Variants in SLC2A5 observed in about 807,000 individuals in gnomAD.
SLC2A5 encodes solute carrier family 2 member 5, also known as solute carrier family 2, facilitated glucose transporter member 5.
Under a neutral mutation model 50.3 loss-of-function variants are expected in SLC2A5, and 56 were observed. That is an observed-to-expected ratio of 1.11 (90% confidence interval 0.90 to 1.39). The LOEUF (loss-of-function observed/expected upper bound fraction) is 1.39. SLC2A5 is among the 40% of genes most tolerant of loss of function. The pLI, the probability that SLC2A5 is intolerant of heterozygous loss-of-function variation, is 0.00. For missense variants in SLC2A5, 566 were observed against 650.1 expected, an observed-to-expected ratio of 0.87 and a Z score of 1.41; for synonymous variants, 269 against 281.9, an observed-to-expected ratio of 0.95 and a Z score of 0.46.
In SLC2A5 at chr1:9,044,830, C is replaced by T. The variant is rs561377701; in HGVS notation, c.418+2780G>A. On this transcript the variant is annotated intron_variant, in intron 4 of 11. Coordinates refer to ENST00000377424, the MANE Select transcript of SLC2A5 (RefSeq NM_003039.3). ...TCAGCTTCCTAAAGTGCTGGTATTA[C>T]AGGCATGAGCCACTGCACCCGGCCA... Among the ~76,000 whole-genome samples, 5 of 152,300 alleles carry T rather than the reference C, an allele frequency of 3.3e-5. 1 individual carries two copies. The highest frequency in any genetic ancestry group is 1.2e-4 in the African/African-American group (5 of 41,564).
rs938436192 is a variant in SLC2A5 at position 9,060,344 on chromosome 1, G to GC, written c.34-2095dup. 4.5e-5 allele frequency among the ~76,000 whole-genome samples: 4 copies of GC among 89,022 alleles called. No homozygotes were observed. The South Asian group carries it at 1.7e-3, about 37-fold the overall frequency. 58.4% of individuals were successfully genotyped at this position (89,022 alleles called of 152,430 possible). A position where few individuals can be genotyped will look rare whatever the true frequency, so the allele number is the denominator to read the frequency against. ...ACACTACATACACACAAGCACACACGCCCCCCAAATGTACACACACTACAT... is the reference window on the plus strand; with the variant it reads ...ACACTACATACACACAAGCACACACGCCCCCCCAAATGTACACACACTACAT... On this transcript the variant is annotated intron_variant, in intron 1 of 11. Transcript: ENST00000377424.
At chr1:9,059,955 A>C (rs1429046168) in intron 1 of SLC2A5, among the ~76,000 whole-genome samples, 5 of 151,402 alleles carry the variant, frequency 3.3e-5, no homozygotes, top group African/African-American at 9.7e-5. Flanking sequence ...CAGCACCTGC[A>C]AGGAGCCCTG....
At chr1:9,093,562 C>T in the SLC2A5 span, among the ~76,000 whole-genome samples, 2 of 152,186 alleles carry the variant, frequency 1.3e-5, no homozygotes, top group African/African-American at 4.8e-5. Context: ...ATCAGCTCCT[C>T]ACTATTCTAT....
At chr1:9,039,759 C>A (rs995408895) in intron 7 of SLC2A5, 41 bp downstream of exon 7, 19 of 1,454,936 alleles carry the variant, frequency 1.3e-5, no homozygotes, top group South Asian at 4.2e-5. Flanking sequence ...CCCGCGCCCC[C>A]CGAGCCCTCC....
intron 3 of SLC2A5, among the ~76,000 whole-genome samples, chr1:9,053,293 T>TTA (rs1557670232): frequency 6.8e-3 from 26 of 3,796 alleles, no homozygotes; most frequent in East Asian, 0.068. Flanking sequence ...TATTGTATAT[T>TTA]TATATTATAT....
chr1:9,038,556 G>T, intron 9 of SLC2A5, 50 bp from the exon 10 acceptor site: 1 of 1,524,410 alleles, frequency 6.6e-7, no homozygotes, highest in Admixed American at 1.7e-5. Context: ...GCTAGGACGG[G>T]ACCCCAGGGG....
chr1:9,066,838 G>C (rs113044031), intron 1 of SLC2A5, among the ~76,000 whole-genome samples: 10,999 of 151,754 alleles, frequency 0.072, 558 homozygotes, highest in Middle Eastern at 0.16. Context: ...ATTAGCCAAG[G>C]GTGGTGCTAC....
chr1:9,067,745 A>C (rs1569905563), intron 1 of SLC2A5, among the ~76,000 whole-genome samples: 1 of 152,020 alleles, frequency 6.6e-6, no homozygotes, highest in Non-Finnish European at 1.5e-5. Context: ...CTCCTGGGGG[A>C]GGGAGCTACT....
At chr1:9,078,831 A>G (rs1327257) in intron 2 of SLC2A5, among the ~76,000 whole-genome samples, 20,413 of 152,144 alleles carry the variant, frequency 0.13, 1,944 homozygotes, top group East Asian at 0.3. Context: ...TGCGAACCTC[A>G]CAGGGCTCAC....
intron 1 of SLC2A5, among the ~76,000 whole-genome samples, chr1:9,060,451 T>C (rs1399764924): frequency 3.0e-4 from 21 of 69,922 alleles, no homozygotes; most frequent in Non-Finnish European, 3.3e-4. Context: ...CACACACACC[T>C]CCCACACACA....
At chr1:9,092,207 T>A (rs1238035991), upstream of SLC2A5, among the ~76,000 whole-genome samples, 1 of 152,144 alleles carries the variant, frequency 6.6e-6, no homozygotes, top group Non-Finnish European at 1.5e-5. Flanking sequence ...AATTCCCCAA[T>A]ATCTATTTCC....
chr1:9,089,790 G>T (rs940283844), upstream of SLC2A5, among the ~76,000 whole-genome samples: 2 of 152,178 alleles, frequency 1.3e-5, no homozygotes, highest in Admixed American at 6.5e-5. Flanking sequence ...CCCCGTTTGG[G>T]TGCCACTCAT....
intron 1 of SLC2A5, among the ~76,000 whole-genome samples, chr1:9,085,479 T>C (rs1362234896): frequency 1.3e-5 from 2 of 152,148 alleles, no homozygotes; most frequent in East Asian, 1.9e-4. Context: ...AGATAAGAGG[T>C]TGTGGAGACC....
At chr1:9,085,348 CG>C (rs1642391871) in intron 1 of SLC2A5, among the ~76,000 whole-genome samples, 1 of 151,986 alleles carries the variant, frequency 6.6e-6, no homozygotes, top group African/African-American at 2.4e-5. Flanking sequence ...TCTAGAAAGG[CG>C]GGACGATTCA....
intron 3 of SLC2A5, among the ~76,000 whole-genome samples, chr1:9,050,260 A>G (rs1167560857): frequency 6.6e-6 from 1 of 151,654 alleles, no homozygotes; most frequent in African/African-American, 2.4e-5. Flanking sequence ...CCTGGGTGAC[A>G]TAGCAAGACT....
upstream of SLC2A5, among the ~76,000 whole-genome samples, chr1:9,091,375 T>G (rs1642460889): frequency 6.6e-6 from 1 of 152,218 alleles, no homozygotes. Context: ...AGTGGCATAT[T>G]TTTCCAAACA....
At chr1:9,059,163 C>A (rs12353933) in intron 1 of SLC2A5, among the ~76,000 whole-genome samples, 3 of 101,534 alleles carry the variant, frequency 3.0e-5, no homozygotes, top group Admixed American at 2.2e-4. Context: ...TTTTTTTTGA[C>A]ACAGAGTCTT....
In SLC2A5 at chr1:9,052,041, C is replaced by G. The variant is rs190222680; in HGVS notation, c.294-4307G>C. ...TGGCTCACGCCTGTAATCCCAGCACCTTGGGAGGCCGAGGTGGGCGGATCA... is the reference window on the plus strand; with the variant it reads ...TGGCTCACGCCTGTAATCCCAGCACGTTGGGAGGCCGAGGTGGGCGGATCA... On this transcript the variant is annotated intron_variant, in intron 3 of 11. Transcript: ENST00000377424. Among the ~76,000 whole-genome samples, 61 of 152,226 alleles carry G rather than the reference C, an allele frequency of 4.0e-4. 1 individual carries two copies. The East Asian group carries it at 0.011, about 29-fold the overall frequency.
At chr1:9,069,154 C>T (rs1240831538) in intron 1 of SLC2A5, among the ~76,000 whole-genome samples, 2 of 152,184 alleles carry the variant, frequency 1.3e-5, no homozygotes, top group African/African-American at 2.4e-5. Context: ...AAAAGCAAAA[C>T]GAAAGCAGAG....
Sources: allele counts gnomAD v4.1 joint callset (sites outside exome capture counted in the v4.1 genomes callset), GRCh38; gene constraint gnomAD v4.1.1; transcripts MANE v1.5; gene names NCBI Gene and HGNC (gene_info 2026-07-23, HGNC 2026-07-21).